Variants in INTS1 observed in about 807,000 individuals in gnomAD.
INTS1 encodes the protein integrator complex subunit 1.
INTS1 carries 137 observed loss-of-function variants against 241.6 expected under a neutral mutation model. The observed-to-expected ratio is 0.57, with a 90% CI of 0.49 to 0.65. The LOEUF (loss-of-function observed/expected upper bound fraction) is 0.65, where lower values mean the gene tolerates loss of function less well. Ranked by LOEUF, INTS1 falls within the 30% of genes least tolerant of loss-of-function variation. The probability of loss-of-function intolerance (pLI) is 0.00; values close to 1 mark genes in which losing one functional copy is unlikely to be tolerated. For missense variants in INTS1, 3,073 were observed against 3,032.2 expected (o/e 1.01, Z -0.32); for synonymous variants, 1,692 against 1,337.8 (o/e 1.26, Z -5.78).
At chr7:1,498,939 C>T (rs1783001741) in intron 8 of INTS1, 36 bp downstream of exon 8, 2 of 1,402,640 alleles carry the variant, frequency 1.4e-6, no homozygotes, top group Admixed American at 2.1e-5. Flanking sequence ...TGCCCCCACC[C>T]CCTGCCCCGC....
intron 24 of INTS1, among the ~76,000 whole-genome samples, chr7:1,484,392 C>G (rs910116427): frequency 2.6e-5 from 4 of 152,340 alleles, no homozygotes; most frequent in Admixed American, 6.5e-5. Flanking sequence ...GGACAATGAC[C>G]AGGCCCTGAA....
intron 16 of INTS1, among the ~76,000 whole-genome samples, chr7:1,490,181 A>C (rs1782479238): frequency 6.6e-6 from 1 of 152,252 alleles, no homozygotes; most frequent in South Asian, 2.1e-4. Context: ...GCACCTGCCG[A>C]AGGAGAGAGG....
Position 1,497,530 on chromosome 7 carries a change from G to A in INTS1, c.1426-216C>T, listed in dbSNP as rs1029424413. On this transcript the variant is annotated intron_variant, in intron 10 of 47. Coordinates refer to ENST00000404767, the MANE Select transcript of INTS1 (RefSeq NM_001080453.3). The surrounding 1 kb of genome is among the most constrained non-coding windows in gnomAD (Gnocchi z 5.3). Reference sequence around the variant, plus strand: ...CCCCTCTCTGAGAACCGGCAGGTGGGGAGTCGGTCCTCGTGAAATGAGGAG... The same window carrying A: ...CCCCTCTCTGAGAACCGGCAGGTGGAGAGTCGGTCCTCGTGAAATGAGGAG... Among the ~76,000 whole-genome samples, 11 of 152,188 alleles carry A rather than the reference G, an allele frequency of 7.2e-5. No homozygotes were observed. The highest frequency in any genetic ancestry group is 2.7e-4 in the African/African-American group (11 of 41,452).
intron 39 of INTS1, among the ~76,000 whole-genome samples, chr7:1,475,431 G>T (rs968344362): frequency 6.6e-6 from 1 of 152,036 alleles, no homozygotes; most frequent in East Asian, 1.9e-4. Context: ...CAAATAAAAT[G>T]ACATATAAGT....
chr7:1,480,942 C>G lies in INTS1; in HGVS notation c.3851-9G>C. The G allele has an allele frequency of 1.3e-6, 2 of 1,577,704 alleles. No homozygotes were observed. The highest frequency in any genetic ancestry group is 1.7e-6 in the Non-Finnish European group (2 of 1,161,936). On this transcript the variant is annotated splice_polypyrimidine_tract_variant and intron_variant, in intron 28 of 47. Coordinates refer to ENST00000404767, the MANE Select transcript of INTS1 (RefSeq NM_001080453.3). ...CAGGTGGGCCATGTAATCTGCAAAC[C>G]GTAGCAGGGTCACACCTGGGCGCGG...
In INTS1 at chr7:1,487,822, G is replaced by A. The variant is rs762255029; in HGVS notation, c.2454C>T (p.Thr818=). The part of the protein sequence containing the change: ...AFEGHLAAAS[T]KQTITESSSL... ...TGCTGCTCTCAGTGATGGTCTGCTT[G>A]GTGGACGCGGCCGCCAGGTGCCCCT... The change falls in exon 19 of 48, where the codon ACC becomes ACT. Residue 818 remains threonine (T), a synonymous_variant. Transcript: ENST00000404767. 1 of 1,612,884 alleles carries A rather than the reference G, an allele frequency of 6.2e-7. No individual in the cohort carries two copies. The highest frequency in any genetic ancestry group is 1.1e-5 in the South Asian group (1 of 91,084).
At chr7:1,483,391 C>A (rs1782089494) in intron 26 of INTS1, 1 of 389,972 alleles carries the variant, frequency 2.6e-6, no homozygotes. Flanking sequence ...TCATGTCGCA[C>A]CTCCACACGG....
chr7:1,484,257 C>T (rs1290713708), intron 24 of INTS1, 87 bp from the exon 25 acceptor site: 2 of 1,387,560 alleles, frequency 1.4e-6, no homozygotes, highest in African/African-American at 2.8e-5. Flanking sequence ...GGCACGCTCT[C>T]ACTGGGATCT....
intron 16 of INTS1, among the ~76,000 whole-genome samples, chr7:1,490,125 A>G (rs10234680): frequency 0.54 from 81,972 of 152,082 alleles, 23,937 homozygotes; most frequent in African/African-American, 0.77. Context: ...AGCCACATGC[A>G]GAGGCTGCTG....
chr7:1,492,581 G>A (rs56318509), intron 16 of INTS1, among the ~76,000 whole-genome samples: 64,942 of 152,060 alleles, frequency 0.43, 14,072 homozygotes, highest in East Asian at 0.7. Flanking sequence ...ACACGTACAT[G>A]AATTCTCTCT....
intron 3 of INTS1, 91 bp from the exon 4 acceptor site, chr7:1,500,457 G>C: frequency 1.5e-6 from 2 of 1,370,240 alleles, no homozygotes; most frequent in Non-Finnish European, 1.9e-6. Flanking sequence ...GGAACCCAGA[G>C]CTCTCAGGGT....
At position 1,474,849 on chromosome 7, in the gene INTS1, G is replaced by A. The variant is rs915299492; in HGVS notation, c.5503-11C>T. On this transcript the variant is annotated splice_polypyrimidine_tract_variant and intron_variant, in intron 39 of 47. Coordinates refer to ENST00000404767, the MANE Select transcript of INTS1 (RefSeq NM_001080453.3). The stretch of plus-strand genomic sequence containing the variant: ...GATGAGTCCGTCCAGCTGCAGGGAG[G>A]GGCGCTCTGAGGCCGGGGCCGCTGG... The A allele has an allele frequency of 5.1e-6, 8 of 1,578,046 alleles. No homozygotes were observed. Among genetic ancestry groups the A allele is most frequent in the Non-Finnish European group, 6.9e-6 (8 of 1,163,846 alleles).
In INTS1 at chr7:1,498,818, A is replaced by G. The variant is rs1378738657; in HGVS notation, c.1172T>C (p.Val391Ala). ...TRPAQDLLMS[V>A]CMNCNTHGSE... The stretch of plus-strand genomic sequence containing the variant: ...ACCGTGCGTGTTGCAGTTCATGCAG[A>G]CGGACATCAGCAGGTCCTGGGCCGG... The change falls in exon 9 of 48, where the codon GTC (valine) becomes GCC (alanine). Residue 391 changes from valine to alanine, a missense_variant. Coordinates refer to ENST00000404767, the MANE Select transcript of INTS1 (RefSeq NM_001080453.3). 1 of 1,606,076 alleles carries G rather than the reference A, an allele frequency of 6.2e-7. No individual in the cohort carries two copies. The highest frequency in any genetic ancestry group is 8.5e-7 in the Non-Finnish European group (1 of 1,176,868).
chr7:1,474,929 C>G (rs1781641330), intron 39 of INTS1, 91 bp from the exon 40 acceptor site: 1 of 1,467,166 alleles, frequency 6.8e-7, no homozygotes, highest in Non-Finnish European at 9.1e-7. Flanking sequence ...GGCCGTGATC[C>G]ACCGCGTGGC....
At chr7:1,496,021 T>G in intron 12 of INTS1, 135 bp downstream of exon 12, 1 of 661,400 alleles carries the variant, frequency 1.5e-6, no homozygotes, top group Non-Finnish European at 2.7e-6. Flanking sequence ...CCAGGCTCCG[T>G]GTCCCCGAGT....
chr7:1,499,275 C>G lies in INTS1; in HGVS notation c.930G>C (p.Gln310His). 1 of 1,609,914 alleles carries G rather than the reference C, an allele frequency of 6.2e-7. No individual in the cohort carries two copies. Among genetic ancestry groups the G allele is most frequent in the Non-Finnish European group, 8.5e-7 (1 of 1,178,810 alleles). Residue 310 changes from glutamine (Q) to histidine (H), a missense_variant, in exon 7 of 48, where the codon CAG (glutamine) becomes CAC (histidine). Physicochemically the swap from Gln to His is conservative, Grantham distance 24. Transcript: ENST00000404767. ...GCTACCTGGGCATGAGCTGGCCCTC[C>G]TGCTCGGGGCTCAGCTTCTCCTCCG... The part of the protein sequence containing the change: ...LIAEEKLSPE[Q>H]EGQLMPRYEE...
At chr7:1,476,734 G>A (rs1319403611) in intron 36 of INTS1, 60 bp downstream of exon 36, 3 of 1,612,068 alleles carry the variant, frequency 1.9e-6, no homozygotes, top group South Asian at 1.1e-5. Flanking sequence ...CCGGCGCTGG[G>A]AGATTTCTGG....
At chr7:1,502,513 T>A (rs994030752) in intron 3 of INTS1, among the ~76,000 whole-genome samples, 3 of 152,106 alleles carry the variant, frequency 2.0e-5, no homozygotes, top group African/African-American at 7.2e-5. Context: ...CAAGTACACA[T>A]CGCCTCCGCT....
In INTS1 at chr7:1,486,772, C is replaced by T. The variant is rs749293359; in HGVS notation, c.2829G>A (p.Arg943=). The T allele has an allele frequency of 2.1e-5, 34 of 1,612,286 alleles. No individual in the cohort carries two copies. The highest frequency in any genetic ancestry group is 2.9e-5 in the Non-Finnish European group (34 of 1,179,702). Residue 943 remains arginine (R), a splice_region_variant and synonymous_variant, in exon 22 of 48, where the codon AGG becomes AGA. Coordinates refer to ENST00000404767, the MANE Select transcript of INTS1 (RefSeq NM_001080453.3). ...SKEQKAKKRQ[R]QQKQRQLLGR... is the part of the protein sequence containing the mutation. ...CCAGCAGCTGCCGCTGCTTCTGTTG[C>T]CTCTGCAGGGAGGAAGGGGCTCTCA... is the stretch of plus-strand genomic sequence containing the variant.
Sources: gnomAD v4.1 joint callset for allele counts (sites outside exome capture counted in the v4.1 genomes callset) on GRCh38, gnomAD v4.1.1 for gene constraint, Gnocchi (gnomAD v3.1) non-coding constraint, MANE v1.5 for transcripts, NCBI Gene and HGNC (gene_info 2026-07-23, HGNC 2026-07-21) for gene names.